ARID1A: variants seen among roughly 807,000 people sequenced by gnomAD.
ARID1A encodes AT-rich interactive domain-containing protein 1A.
ARID1A carries 20 observed loss-of-function variants against 212.6 expected under a neutral mutation model. The ratio of observed to expected loss-of-function variants is 0.09; its 90% CI spans 0.07 to 0.14. ARID1A has a LOEUF of 0.14. Ranked by LOEUF, ARID1A falls within the 10% of genes least tolerant of loss-of-function variation. ARID1A has a pLI of 1.00. For synonymous variants in ARID1A, 1,376 were observed against 1,222.1 expected (o/e 1.13, Z -2.63); for missense variants, 2,587 against 3,059.0 (o/e 0.85, Z 3.64).
rs1424107772 is a variant in ARID1A, at chr1:26,762,299, G to A, written c.2399G>A (p.Gly800Glu). The A allele has an allele frequency of 6.2e-7, 1 of 1,613,994 alleles. No homozygotes were observed. The highest frequency in any genetic ancestry group is 8.5e-7 in the Non-Finnish European group (1 of 1,180,014). ...TCCATGGGGAGCTATGGTCCCCAGGGGGGTCAGTATGGCCCACAAGGTCAG... is the reference window on the plus strand; with the variant it reads ...TCCATGGGGAGCTATGGTCCCCAGGAGGGTCAGTATGGCCCACAAGGTCAG... ...QNSMGSYGPQ[G>E]GQYGPQGGYP... Residue 800 changes from glycine to glutamate, a missense_variant, in exon 7 of 20, where the codon GGG becomes GAG. Gly to Glu is a moderately conservative substitution (Grantham distance 98). Around this residue, in one of 11 missense-constraint regions of ARID1A, gnomAD observed 674 missense variants for 813.4 expected, o/e 0.83. Transcript: ENST00000324856.
intron 13 of ARID1A, 66 bp from the exon 14 acceptor site, chr1:26,772,746 C>A (rs1388746198): frequency 6.2e-7 from 1 of 1,605,824 alleles, no homozygotes; most frequent in Non-Finnish European, 8.5e-7. Flanking sequence ...GTGACTCCTG[C>A]GTGTCCTTTG....
rs143919216 is a variant in ARID1A at position 26,766,514 on chromosome 1, C to T, written c.2936C>T (p.Thr979Ile). 1 of 1,613,990 alleles carries T rather than the reference C, an allele frequency of 6.2e-7. No individual in the cohort carries two copies. Among genetic ancestry groups the T allele is most frequent in the Non-Finnish European group, 8.5e-7 (1 of 1,179,976 alleles). ...GLGDVKLTPA[T>I]KMNNKADGTP... ...GGGGATGTAAAGTTAACTCCAGCCA[C>T]CAAAATGAACAACAAGGCAGATGGG... Residue 979 changes from threonine (T) to isoleucine (I), a missense_variant, in exon 10 of 20, where the codon ACC becomes ATC. By Grantham distance (89) the Thr-to-Ile change is moderately conservative (BLOSUM62 -1). Transcript: ENST00000324856.
In ARID1A at chr1:26,779,277, G is replaced by GGACAAGCCAGCTTCA; in HGVS notation, c.5382_5396dup (p.Asp1794_Ser1798dup). 6.2e-7 allele frequency: 1 copy of GGACAAGCCAGCTTCA among 1,614,258 alleles called. No individual in the cohort carries two copies. The highest frequency in any genetic ancestry group is 8.5e-7 in the Non-Finnish European group (1 of 1,180,050). ...ATGAGGAGATAGCCTTTTCAGGCAAGGACAAGCCAGCTTCAGAGAATAGTG... is the reference window on the plus strand; with the variant it reads ...ATGAGGAGATAGCCTTTTCAGGCAAGGACAAGCCAGCTTCAGACAAGCCAGCTTCAGAGAATAGTG... On this transcript the variant is annotated inframe_insertion, in exon 20 of 20. Transcript: ENST00000324856.
chr1:26,724,705 A>G (rs2080600224), intron 1 of ARID1A, among the ~76,000 whole-genome samples: 1 of 152,174 alleles, frequency 6.6e-6, no homozygotes, highest in African/African-American at 2.4e-5. Flanking sequence ...TTGATGCAAT[A>G]AGAAGTTGTA....
intron 19 of ARID1A, chr1:26,778,031 T>A (rs891384350): frequency 2.0e-5 from 3 of 147,368 alleles, no homozygotes; most frequent in African/African-American, 7.6e-5. Flanking sequence ...ATCGTGCCAC[T>A]GCACTCCAGC....
chr1:26,764,750 A>G (rs1416293353), intron 8 of ARID1A: 2 of 152,212 alleles, frequency 1.3e-5, no homozygotes, highest in African/African-American at 4.8e-5. Flanking sequence ...TTAGCATGAC[A>G]AAAAGTGGTA....
At chr1:26,718,164 G>A (rs560142606) in intron 1 of ARID1A, among the ~76,000 whole-genome samples, 29 of 152,134 alleles carry the variant, frequency 1.9e-4, no homozygotes, top group South Asian at 1.0e-3. Flanking sequence ...TAGTAGAGAC[G>A]CGGTTTCTCC....
At chr1:26,700,637 G>A (rs2080323683) in intron 1 of ARID1A, among the ~76,000 whole-genome samples, 1 of 152,192 alleles carries the variant, frequency 6.6e-6, no homozygotes, top group Admixed American at 6.5e-5. Context: ...AAATAGTCCA[G>A]GAACAAGTTG....
chr1:26,733,257 CT>C (rs1266901782), intron 4 of ARID1A, among the ~76,000 whole-genome samples: 46 of 146,958 alleles, frequency 3.1e-4, no homozygotes, highest in South Asian at 8.7e-4. Flanking sequence ...TGTGTGAATA[CT>C]TTTTTTTTTT....
At chr1:26,755,216 A>G (rs1046779618) in intron 4 of ARID1A, among the ~76,000 whole-genome samples, 4 of 152,244 alleles carry the variant, frequency 2.6e-5, no homozygotes, top group African/African-American at 9.6e-5. Flanking sequence ...AGATGCTTAA[A>G]TGGTAGCTGT....
At chr1:26,719,608 G>T (rs1008824652) in intron 1 of ARID1A, among the ~76,000 whole-genome samples, 3 of 152,004 alleles carry the variant, frequency 2.0e-5, no homozygotes, top group Non-Finnish European at 4.4e-5. Flanking sequence ...GCTTAAAGTG[G>T]TGTGAAACTC....
chr1:26,697,182 C>G lies in ARID1A; in HGVS notation c.779C>G (p.Ser260Cys). The change falls in exon 1 of 20, where the codon TCC (serine) becomes TGC (cysteine). Residue 260 changes from serine (S) to cysteine (C), a missense_variant. By Grantham distance (112) the Ser-to-Cys change is moderately radical. Transcript: ENST00000324856. ...KPPPSSSASA[S>C]SSSSSFAQQR... ...CCTCCCTCCTCCAGCGCCTCCGCCTCCTCGTCGTCTTCGTCCTTCGCTCAG... is the reference window on the plus strand; with the variant it reads ...CCTCCCTCCTCCAGCGCCTCCGCCTGCTCGTCGTCTTCGTCCTTCGCTCAG... 1 of 1,430,568 alleles carries G rather than the reference C, an allele frequency of 7.0e-7. No homozygotes were observed. Among genetic ancestry groups the G allele is most frequent in the Non-Finnish European group, 9.1e-7 (1 of 1,097,810 alleles). The allele number at this position is 1,430,568 out of a possible 1,614,324, so 88.6% of individuals were successfully genotyped here.
At chr1:26,725,099 G>A (rs1053650674) in intron 1 of ARID1A, among the ~76,000 whole-genome samples, 1 of 152,112 alleles carries the variant, frequency 6.6e-6, no homozygotes, top group South Asian at 2.1e-4. Context: ...CAGAGCCTTT[G>A]CTTTTGAAGT....
rs550257996 is a variant in ARID1A at position 26,750,640 on chromosome 1, A to AT, written c.1921-10206dup. 2.4e-3 allele frequency among the ~76,000 whole-genome samples: 355 copies of AT among 150,046 alleles called. 1 individual carries two copies. The highest frequency in any genetic ancestry group is 9.8e-4 in the Non-Finnish European group (66 of 67,424). On this transcript the variant is annotated intron_variant, in intron 4 of 19. Coordinates refer to ENST00000324856, the MANE Select transcript of ARID1A (RefSeq NM_006015.6). The stretch of plus-strand genomic sequence containing the variant: ...CCATCTAGAGGCCAGGAATATCTTG[A>AT]TTTTTTTTTTCTCTGTGAGCCACAC...
At chr1:26,708,771 T>G (rs1242816228) in intron 1 of ARID1A, among the ~76,000 whole-genome samples, 1 of 151,708 alleles carries the variant, frequency 6.6e-6, no homozygotes, top group Non-Finnish European at 1.5e-5. Context: ...CTTGGCCCAC[T>G]GCAAGCTCCG....
At chr1:26,766,839 A>G (rs1300327846) in intron 10 of ARID1A, among the ~76,000 whole-genome samples, 1 of 152,136 alleles carries the variant, frequency 6.6e-6, no homozygotes, top group Non-Finnish European at 1.5e-5. Context: ...TGCAGCATCA[A>G]ACTCTCTGTA....
intron 1 of ARID1A, among the ~76,000 whole-genome samples, chr1:26,708,525 C>G (rs2080417825): frequency 6.6e-6 from 1 of 151,414 alleles, no homozygotes; most frequent in Non-Finnish European, 1.5e-5. Flanking sequence ...ACCTTGTGAT[C>G]CACCTGCCTC....
At position 26,706,911 on chromosome 1, in the gene ARID1A, C is replaced by T. The variant is rs78475973; in HGVS notation, c.1137+9371C>T. 2.9e-3 allele frequency among the ~76,000 whole-genome samples: 447 copies of T among 152,276 alleles called. 2 individuals carry two copies. Among genetic ancestry groups the T allele is most frequent in the Non-Finnish European group, 5.4e-3 (365 of 68,022 alleles). On this transcript the variant is annotated intron_variant, in intron 1 of 19. Coordinates refer to ENST00000324856, the MANE Select transcript of ARID1A (RefSeq NM_006015.6). ...TAACCGGCTTTTAGTCTCCAGATTT[C>T]TAACATTGTGCTTGTTTAGGAATTT...
rs745392594 is a variant in ARID1A at position 26,773,512 on chromosome 1, G to C, written c.3866+16G>C. ...ACAGAGTGAGGTAAGCATGACCCCA[G>C]CTCCTGTCCACTCCCCCAGCACCCT... On this transcript the variant is annotated intron_variant, in intron 15 of 19. Transcript: ENST00000324856. The C allele has an allele frequency of 6.2e-7, 1 of 1,612,914 alleles. No homozygotes were observed. The highest frequency in any genetic ancestry group is 1.7e-5 in the Admixed American group (1 of 59,948).
Sources: gnomAD v4.1 joint callset for allele counts (sites outside exome capture counted in the v4.1 genomes callset) on GRCh38, gnomAD v4.1.1 for gene constraint, gnomAD v4.1.1 regional missense constraint, MANE v1.5 for transcripts, NCBI Gene and HGNC (gene_info 2026-07-23, HGNC 2026-07-21) for gene names.